DPP10: variants seen among roughly 807,000 people sequenced by gnomAD.
The protein encoded by DPP10 is dipeptidyl peptidase like 10.
DPP10 carries 33 observed loss-of-function variants against 120.9 expected under a neutral mutation model. The observed-to-expected ratio is 0.27, with a 90% CI of 0.21 to 0.37. The LOEUF (loss-of-function observed/expected upper bound fraction) is 0.37, where lower values mean the gene tolerates loss of function less well. Ranked by LOEUF, DPP10 falls within the 10% of genes least tolerant of loss-of-function variation. The pLI, the probability that DPP10 is intolerant of heterozygous loss-of-function variation, is 1.00. For synonymous variants in DPP10, 337 were observed against 326.1 expected (o/e 1.03, Z -0.36); for missense variants, 816 against 942.8 (o/e 0.87, Z 1.76).
intron 1 of DPP10, among the ~76,000 whole-genome samples, chr2:114,986,782 T>G (rs1700421321): frequency 6.6e-6 from 1 of 152,176 alleles, no homozygotes; most frequent in African/African-American, 2.4e-5. Context: ...TTGTTTGTTC[T>G]TTTCTCAGGA....
intron 5 of DPP10, among the ~76,000 whole-genome samples, chr2:115,634,221 C>T (rs1382191774): frequency 6.6e-6 from 1 of 152,142 alleles, no homozygotes; most frequent in Non-Finnish European, 1.5e-5. Context: ...CCATCTCAGC[C>T]TCTGCCTAGT....
At chr2:115,682,334 T>C (rs766238412) in intron 5 of DPP10, among the ~76,000 whole-genome samples, 17 of 151,926 alleles carry the variant, frequency 1.1e-4, no homozygotes, top group South Asian at 4.1e-4. Flanking sequence ...CATGAAAATA[T>C]TGTATTACAA....
chr2:115,134,787 G>T (rs2050563602), intron 1 of DPP10, among the ~76,000 whole-genome samples: 1 of 152,098 alleles, frequency 6.6e-6, no homozygotes, highest in African/African-American at 2.4e-5. Context: ...TGGTTTCGTT[G>T]TATTATATTA....
At chr2:115,018,959 C>T (rs1280783590) in intron 1 of DPP10, among the ~76,000 whole-genome samples, 1 of 151,972 alleles carries the variant, frequency 6.6e-6, no homozygotes, top group Admixed American at 6.6e-5. Context: ...GGTCTAGTTA[C>T]CATCACTCCC....
chr2:114,619,381 ATGTGTGTG>A (rs71998520), intron 1 of DPP10, among the ~76,000 whole-genome samples: 18 of 146,274 alleles, frequency 1.2e-4, no homozygotes, highest in African/African-American at 2.5e-4. Context: ...ATATATACAT[ATGTGTGTG>A]TGTGTGTGTG....
At chr2:114,448,048 A>G (rs1159842607) in intron 1 of DPP10, among the ~76,000 whole-genome samples, 2 of 152,220 alleles carry the variant, frequency 1.3e-5, no homozygotes, top group Non-Finnish European at 2.9e-5. Flanking sequence ...TTAAATAATT[A>G]TAGCACAATT....
At chr2:115,002,872 T>C (rs751154992) in intron 1 of DPP10, among the ~76,000 whole-genome samples, 28 of 151,898 alleles carry the variant, frequency 1.8e-4, no homozygotes, top group Non-Finnish European at 3.2e-4. Flanking sequence ...CAGATGCTGG[T>C]GATATTACAG....
rs983863856 is a variant in DPP10 at position 114,753,026 on chromosome 2, G to A, written c.60+310188G>A. On this transcript the variant is annotated intron_variant, in intron 1 of 25. Coordinates refer to ENST00000410059, the MANE Select transcript of DPP10 (RefSeq NM_020868.6). ...AATGTAAGACATGGAGAAACAGAGTGGGGACACACACTTCCTGCAGGCAGC... is the reference window on the plus strand; with the variant it reads ...AATGTAAGACATGGAGAAACAGAGTAGGGACACACACTTCCTGCAGGCAGC... Among the ~76,000 whole-genome samples the A allele has an allele frequency of 1.3e-5, 2 of 152,104 alleles. 1 individual carries two copies. Among genetic ancestry groups the A allele is most frequent in the Non-Finnish European group, 2.9e-5 (2 of 68,010 alleles).
chr2:115,696,158 G>A (rs1575546908), intron 7 of DPP10, among the ~76,000 whole-genome samples: 1 of 152,216 alleles, frequency 6.6e-6, no homozygotes, highest in Middle Eastern at 3.4e-3. Context: ...GGGAATGTTA[G>A]AAGTAGAAGA....
chr2:115,052,331 A>G (rs527438844), intron 1 of DPP10, among the ~76,000 whole-genome samples: 2 of 152,300 alleles, frequency 1.3e-5, no homozygotes, highest in South Asian at 4.1e-4. Flanking sequence ...GGTAAACTAA[A>G]TTTAATCAAA....
chr2:114,511,634 C>A (rs1684155185), intron 1 of DPP10, among the ~76,000 whole-genome samples: 1 of 152,168 alleles, frequency 6.6e-6, no homozygotes, highest in Non-Finnish European at 1.5e-5. Context: ...AGCTTCTGAA[C>A]CACTCCCAGT....
intron 1 of DPP10, among the ~76,000 whole-genome samples, chr2:114,533,328 C>G (rs1686201025): frequency 6.6e-6 from 1 of 151,998 alleles, no homozygotes; most frequent in Non-Finnish European, 1.5e-5. Flanking sequence ...TCTTTGTTGG[C>G]TTATTATTAA....
At chr2:114,822,690 T>C (rs1686203224) in intron 1 of DPP10, among the ~76,000 whole-genome samples, 1 of 152,132 alleles carries the variant, frequency 6.6e-6, no homozygotes, top group Non-Finnish European at 1.5e-5. Context: ...ACATGCGCCA[T>C]GTTATGCTCT....
At chr2:114,539,235 T>TA (rs1686763925) in intron 1 of DPP10, among the ~76,000 whole-genome samples, 1 of 147,872 alleles carries the variant, frequency 6.8e-6, no homozygotes, top group African/African-American at 2.5e-5. Flanking sequence ...ATACAATATA[T>TA]TAAAAATATA....
chr2:115,716,506 T>C (rs2092498821), intron 7 of DPP10, among the ~76,000 whole-genome samples: 2 of 152,150 alleles, frequency 1.3e-5, no homozygotes, highest in African/African-American at 4.8e-5. Flanking sequence ...TTATTGCGGA[T>C]CCTAAGTTAT....
At chr2:114,507,531 A>T (rs1024015717) in intron 1 of DPP10, among the ~76,000 whole-genome samples, 2 of 152,164 alleles carry the variant, frequency 1.3e-5, no homozygotes, top group Admixed American at 1.3e-4. Context: ...TGATTCATAT[A>T]TTGGCTTAAA....
At chr2:114,943,443 T>G (rs1481306084) in intron 1 of DPP10, among the ~76,000 whole-genome samples, 1 of 152,086 alleles carries the variant, frequency 6.6e-6, no homozygotes, top group African/African-American at 2.4e-5. Context: ...CCAGCTAATT[T>G]TTATATTCTT....
Position 115,238,553 on chromosome 2 carries a change from G to GT in DPP10, c.61-70685dup, listed in dbSNP as rs1227798336. Reference sequence around the variant, plus strand: ...TGACTTTGAGTGGCTCGAGACTTTAGTGAAGGAATTAGCTGCAGAGGTGGT... The same window carrying GT: ...TGACTTTGAGTGGCTCGAGACTTTAGTTGAAGGAATTAGCTGCAGAGGTGGT... On this transcript the variant is annotated intron_variant, in intron 1 of 25. Coordinates refer to ENST00000410059, the MANE Select transcript of DPP10 (RefSeq NM_020868.6). 4.6e-5 allele frequency among the ~76,000 whole-genome samples: 7 copies of GT among 152,086 alleles called. No individual in the cohort carries two copies. The East Asian group carries it at 1.4e-3, about 29-fold the overall frequency.
intron 1 of DPP10, among the ~76,000 whole-genome samples, chr2:114,876,429 C>G (rs1558833795): frequency 1.3e-5 from 2 of 152,084 alleles, no homozygotes; most frequent in Non-Finnish European, 2.9e-5. Flanking sequence ...GCAAATTGGA[C>G]AAGCTCTCTG....
Sources: gnomAD v4.1 joint callset for allele counts (sites outside exome capture counted in the v4.1 genomes callset) on GRCh38, gnomAD v4.1.1 for gene constraint, MANE v1.5 for transcripts, NCBI Gene and HGNC (gene_info 2026-07-23, HGNC 2026-07-21) for gene names.